UBAP2: variants seen among roughly 807,000 people sequenced by gnomAD.
UBAP2 encodes ubiquitin-associated protein 2.
In UBAP2, 75 loss-of-function variants were observed where a neutral mutation model predicts 139.6. The ratio of observed to expected loss-of-function variants is 0.54; its 90% CI spans 0.45 to 0.65. The LOEUF is 0.65. UBAP2 is among the 30% of genes least tolerant of loss of function. The pLI is 0.00. For missense variants in UBAP2, 1,368 were observed against 1,369.6 expected (o/e 1.00, Z 0.02); for synonymous variants, 526 against 526.2 (o/e 1.00, Z 0.01).
intron 22 of UBAP2, among the ~76,000 whole-genome samples, chr9:33,925,958 C>G (rs1823392576): frequency 6.6e-6 from 1 of 152,212 alleles, no homozygotes; most frequent in Non-Finnish European, 1.5e-5. Flanking sequence ...GGCCTATTCC[C>G]CTCTGTCCCC....
intron 6 of UBAP2, among the ~76,000 whole-genome samples, chr9:33,979,884 G>A (rs1190685829): frequency 6.6e-6 from 1 of 150,910 alleles, no homozygotes; most frequent in Non-Finnish European, 1.5e-5. Flanking sequence ...ATAAATAAGT[G>A]TAACCGGTGA....
chr9:34,005,098 A>C (rs545400042), intron 2 of UBAP2, among the ~76,000 whole-genome samples: 18 of 152,128 alleles, frequency 1.2e-4, no homozygotes, highest in Non-Finnish European at 2.4e-4. Flanking sequence ...CCCCGTCTAC[A>C]CTAAAAATAC....
chr9:33,935,789 C>G, intron 17 of UBAP2, 50 bp downstream of exon 17: 1 of 1,608,768 alleles, frequency 6.2e-7, no homozygotes, highest in Non-Finnish European at 8.5e-7. Flanking sequence ...TCCTCTTCCT[C>G]TGTTTGGTTG....
intron 8 of UBAP2, chr9:33,968,555 C>A: frequency 2.5e-6 from 1 of 394,174 alleles, no homozygotes. Context: ...GCTCAAATCC[C>A]ACGTGCCACT....
At chr9:33,967,775 T>C (rs1827580579) in intron 8 of UBAP2, among the ~76,000 whole-genome samples, 1 of 152,178 alleles carries the variant, frequency 6.6e-6, no homozygotes, top group African/African-American at 2.4e-5. Flanking sequence ...TATTCAATAT[T>C]ATATTTGTAA....
chr9:34,005,878 G>A lies in UBAP2; in HGVS notation c.100-7014C>T, dbSNP rs1211416731. ...ATGTCAATGAAAATACACCGTCCTT[G>A]AGAATATCAATCCCTAAATAATCAG... On this transcript the variant is annotated intron_variant, in intron 2 of 28. Transcript: ENST00000379238. Among the ~76,000 whole-genome samples, 4 of 152,172 alleles carry A rather than the reference G, an allele frequency of 2.6e-5. No homozygotes were observed. In the East Asian group the frequency reaches 7.7e-4, roughly 29 times the overall value.
chr9:33,989,159 A>G, intron 4 of UBAP2, 33 bp from the exon 5 acceptor site: 1 of 1,569,296 alleles, frequency 6.4e-7, no homozygotes, highest in Non-Finnish European at 8.6e-7. Context: ...ATCATTTATC[A>G]TTCAAAGTGT....
intron 12 of UBAP2, among the ~76,000 whole-genome samples, chr9:33,949,991 T>C (rs1365463074): frequency 6.6e-6 from 1 of 152,190 alleles, no homozygotes. Flanking sequence ...GAAAAGACAA[T>C]GGAAGATCAA....
intron 26 of UBAP2, 57 bp from the exon 27 acceptor site, chr9:33,923,090 C>A (rs943370586): frequency 3.1e-6 from 5 of 1,613,168 alleles, no homozygotes; most frequent in South Asian, 1.1e-5. Flanking sequence ...AGGCTCCCCA[C>A]CTCCAGGATC....
chr9:34,047,366 A>C (rs1827697139), intron 1 of UBAP2, among the ~76,000 whole-genome samples: 1 of 152,222 alleles, frequency 6.6e-6, no homozygotes, highest in South Asian at 2.1e-4. Context: ...AAGGGGCTCC[A>C]CAGGTGAGTG....
chr9:33,953,622 G>C, intron 11 of UBAP2, 148 bp from the exon 12 acceptor site: 1 of 721,052 alleles, frequency 1.4e-6, no homozygotes, highest in Non-Finnish European at 2.2e-6. Flanking sequence ...GGCAAAAGGA[G>C]GGCATCATCC....
intron 1 of UBAP2, among the ~76,000 whole-genome samples, chr9:34,046,185 C>A (rs2131387236): frequency 6.6e-6 from 1 of 152,182 alleles, no homozygotes; most frequent in Admixed American, 6.5e-5. Flanking sequence ...TAAATGCCTG[C>A]AGACTGCTTC....
At chr9:33,974,531 G>A (rs898278550) in intron 6 of UBAP2, among the ~76,000 whole-genome samples, 1 of 151,900 alleles carries the variant, frequency 6.6e-6, no homozygotes, top group Non-Finnish European at 1.5e-5. Flanking sequence ...AAACACCACG[G>A]TACCAACAGA....
At chr9:33,954,432 C>G (rs1826380125) in intron 11 of UBAP2, among the ~76,000 whole-genome samples, 1 of 152,094 alleles carries the variant, frequency 6.6e-6, no homozygotes, top group Admixed American at 6.5e-5. Context: ...CAACAATGAG[C>G]TACAAACTTC....
intron 10 of UBAP2, among the ~76,000 whole-genome samples, chr9:33,956,791 C>A (rs1378596163): frequency 1.3e-5 from 2 of 152,052 alleles, no homozygotes; most frequent in African/African-American, 4.8e-5. Flanking sequence ...ACCAATAAAC[C>A]CACCAACAAT....
At chr9:33,955,835 A>G (rs1388328524) in intron 11 of UBAP2, among the ~76,000 whole-genome samples, 2 of 129,984 alleles carry the variant, frequency 1.5e-5, no homozygotes, top group African/African-American at 5.8e-5. Flanking sequence ...CTCAAAATAG[A>G]AAAAAAAAAA....
intron 1 of UBAP2, among the ~76,000 whole-genome samples, chr9:34,039,275 G>T (rs904796135): frequency 1.3e-5 from 2 of 151,736 alleles, no homozygotes; most frequent in Non-Finnish European, 2.9e-5. Flanking sequence ...CGAGAGGTGG[G>T]GGGGGCGCCT....
intron 2 of UBAP2, among the ~76,000 whole-genome samples, chr9:34,006,757 T>C (rs1396446409): frequency 1.3e-5 from 2 of 151,956 alleles, no homozygotes; most frequent in African/African-American, 4.8e-5. Context: ...TACTCAAGTA[T>C]AAAAGGTATA....
intron 1 of UBAP2, among the ~76,000 whole-genome samples, chr9:34,041,968 T>C (rs1192318003): frequency 6.6e-6 from 1 of 151,792 alleles, no homozygotes; most frequent in Admixed American, 6.6e-5. Flanking sequence ...AATGTTGCAG[T>C]GAGCCAGGAT....
Sources: allele counts gnomAD v4.1 joint callset (sites outside exome capture counted in the v4.1 genomes callset), GRCh38; gene constraint gnomAD v4.1.1; transcripts MANE v1.5; gene names NCBI Gene and HGNC (gene_info 2026-07-23, HGNC 2026-07-21).